The following FBXL7 variants were observed in gnomAD, a reference collection of about 807,000 sequenced individuals.
The protein encoded by FBXL7 is F-box/LRR-repeat protein 7.
FBXL7 carries 12 observed loss-of-function variants against 38.3 expected under a neutral mutation model. The ratio of observed to expected loss-of-function variants is 0.31; its 90% confidence interval spans 0.20 to 0.51. The LOEUF (loss-of-function observed/expected upper bound fraction) is 0.51, where lower values mean the gene tolerates loss of function less well. Ranked by LOEUF, FBXL7 falls within the 20% of genes least tolerant of loss-of-function variation. FBXL7 has a pLI of 0.98. For missense variants in FBXL7, 567 were observed against 676.4 expected, an observed-to-expected ratio of 0.84 and a Z score of 1.79; for synonymous variants, 297 against 300.9, an observed-to-expected ratio of 0.99 and a Z score of 0.13.
At chr5:15,825,184 G>C (rs955639386) in intron 2 of FBXL7, among the ~76,000 whole-genome samples, 1 of 152,058 alleles carries the variant, frequency 6.6e-6, no homozygotes, top group Admixed American at 6.6e-5. Flanking sequence ...CCAATTTTCA[G>C]TGTTTATTTT....
chr5:15,838,973 T>C (rs1220350175), intron 2 of FBXL7, among the ~76,000 whole-genome samples: 2 of 152,204 alleles, frequency 1.3e-5, no homozygotes, highest in African/African-American at 2.4e-5. Flanking sequence ...ACTATAATTA[T>C]GTATTTGGTT....
chr5:15,785,613 T>C (rs888364349), intron 2 of FBXL7, among the ~76,000 whole-genome samples: 9 of 152,202 alleles, frequency 5.9e-5, no homozygotes, highest in Non-Finnish European at 8.8e-5. Context: ...GCCCCATACA[T>C]GGATGCTTGA....
chr5:15,920,334 A>G (rs1741706561), intron 2 of FBXL7, among the ~76,000 whole-genome samples: 1 of 152,220 alleles, frequency 6.6e-6, no homozygotes, highest in African/African-American at 2.4e-5. Context: ...GCACTTGGGC[A>G]GCAGTAACAA....
At chr5:15,513,713 T>C (rs1736860951) in intron 1 of FBXL7, among the ~76,000 whole-genome samples, 2 of 152,208 alleles carry the variant, frequency 1.3e-5, no homozygotes, top group African/African-American at 4.8e-5. Context: ...ATTTGTTTTT[T>C]TTAGTTTTTA....
At chr5:15,691,860 G>A (rs1579381760) in intron 2 of FBXL7, among the ~76,000 whole-genome samples, 1 of 152,148 alleles carries the variant, frequency 6.6e-6, no homozygotes, top group Non-Finnish European at 1.5e-5. Context: ...GTACCTTCAA[G>A]GATGGAACCT....
At chr5:15,922,811 A>C (rs926477070) in intron 2 of FBXL7, among the ~76,000 whole-genome samples, 1 of 152,206 alleles carries the variant, frequency 6.6e-6, no homozygotes, top group Non-Finnish European at 1.5e-5. Context: ...AAAAATGTAA[A>C]ATACATTAAA....
At chr5:15,567,766 G>T (rs1426554547) in intron 1 of FBXL7, among the ~76,000 whole-genome samples, 1 of 150,764 alleles carries the variant, frequency 6.6e-6, no homozygotes, top group Non-Finnish European at 1.5e-5. Flanking sequence ...CCCACAACAG[G>T]CCCTGGTGTG....
At chr5:15,793,980 T>C (rs1480493190) in intron 2 of FBXL7, among the ~76,000 whole-genome samples, 1 of 152,232 alleles carries the variant, frequency 6.6e-6, no homozygotes, top group Admixed American at 6.5e-5. Context: ...CTGTTTTCAC[T>C]TCAGTGGCAA....
intron 1 of FBXL7, among the ~76,000 whole-genome samples, chr5:15,597,977 T>G (rs1739674532): frequency 6.6e-6 from 1 of 152,230 alleles, no homozygotes; most frequent in Non-Finnish European, 1.5e-5. Context: ...ATGTATCTCC[T>G]TTTATAGAAG....
chr5:15,741,310 T>G (rs1200288656), intron 2 of FBXL7, among the ~76,000 whole-genome samples: 1 of 152,218 alleles, frequency 6.6e-6, no homozygotes. Context: ...AGTAACAGTT[T>G]TACCTTATAT....
chr5:15,861,428 T>C (rs558376356), intron 2 of FBXL7, among the ~76,000 whole-genome samples: 1 of 152,300 alleles, frequency 6.6e-6, no homozygotes, highest in Non-Finnish European at 1.5e-5. Context: ...AAAAGGCATC[T>C]TTGCTATGGC....
intron 2 of FBXL7, among the ~76,000 whole-genome samples, chr5:15,742,680 A>T (rs4475263): frequency 0.75 from 113,448 of 152,108 alleles, 42,511 homozygotes; most frequent in East Asian, 0.88. Context: ...TTTTAAAGCA[A>T]TTCCTTTCAA....
rs559788117 is a variant in FBXL7, at chr5:15,853,417, G to A, written c.128-74473G>A. ...TGAAGAGATCTGAGGAGCCTACCAC[G>A]GAGAAGGCATGGCTGGGTAGAGACC... On this transcript the variant is annotated intron_variant, in intron 2 of 3. Transcript: ENST00000504595. Among the ~76,000 whole-genome samples, 16 of 152,248 alleles carry A rather than the reference G, an allele frequency of 1.1e-4. No homozygotes were observed. The South Asian group carries it at 1.9e-3, about 18-fold the overall frequency.
At chr5:15,903,108 T>A (rs902370725) in intron 2 of FBXL7, among the ~76,000 whole-genome samples, 1 of 152,174 alleles carries the variant, frequency 6.6e-6, no homozygotes, top group African/African-American at 2.4e-5. Context: ...CATTGAGGGG[T>A]AGAGGCCATT....
At chr5:15,631,309 T>G (rs1157890242) in intron 2 of FBXL7, among the ~76,000 whole-genome samples, 1 of 152,196 alleles carries the variant, frequency 6.6e-6, no homozygotes, top group Non-Finnish European at 1.5e-5. Context: ...ATGATACATG[T>G]ACATGTGAGG....
At chr5:15,875,706 C>T (rs1366289486) in intron 2 of FBXL7, among the ~76,000 whole-genome samples, 1 of 152,092 alleles carries the variant, frequency 6.6e-6, no homozygotes, top group African/African-American at 2.4e-5. Context: ...AATGAAATAC[C>T]ATCTCACACC....
At chr5:15,795,950 T>C (rs1337881396) in intron 2 of FBXL7, among the ~76,000 whole-genome samples, 1 of 152,248 alleles carries the variant, frequency 6.6e-6, no homozygotes, top group Admixed American at 6.5e-5. Context: ...GTCAAATTTC[T>C]TATTCTTAAA....
intron 2 of FBXL7, among the ~76,000 whole-genome samples, chr5:15,878,127 G>T (rs1443825526): frequency 6.6e-6 from 1 of 152,180 alleles, no homozygotes; most frequent in Non-Finnish European, 1.5e-5. Context: ...AAATCCTTCA[G>T]TTGTTCTGGC....
Position 15,936,832 on chromosome 5 carries a change from C to T in FBXL7, c.1122C>T (p.Tyr374=), listed in dbSNP as rs1418004001. ...TGGGCATCCGCTACGTGGCCAAGTA[C>T]TGCAGCAAGCTGCGCTACCTCAACG... ...TDVGIRYVAK[Y]CSKLRYLNAR... is the part of the protein sequence containing the mutation. Residue 374 remains tyrosine (Y), a synonymous_variant, in exon 4 of 4, where the codon TAC becomes TAT. Coordinates refer to ENST00000504595, the MANE Select transcript of FBXL7 (RefSeq NM_012304.5). This position sits in a 1 kb window ranked among gnomAD's most constrained non-coding sequence, Gnocchi z 6.0. The T allele has an allele frequency of 1.2e-6, 2 of 1,613,568 alleles. No individual in the cohort carries two copies. Among genetic ancestry groups the T allele is most frequent in the South Asian group, 1.1e-5 (1 of 91,018 alleles).
Sources: gnomAD v4.1 joint callset for allele counts (sites outside exome capture counted in the v4.1 genomes callset) on GRCh38, gnomAD v4.1.1 for gene constraint, Gnocchi (gnomAD v3.1) non-coding constraint, MANE v1.5 for transcripts, NCBI Gene and HGNC (gene_info 2026-07-23, HGNC 2026-07-21) for gene names.